Variants in NLRP5 observed in about 807,000 individuals in gnomAD.
The protein encoded by NLRP5 is NACHT, LRR and PYD domains-containing protein 5.
In NLRP5, 93 loss-of-function variants were observed where a neutral mutation model predicts 113.1. The ratio of observed to expected loss-of-function variants is 0.82; its 90% CI spans 0.70 to 0.98. NLRP5 has a LOEUF of 0.98. Among genes scored for constraint, NLRP5 ranks in the 50% least tolerant of loss-of-function variants. The pLI is 0.00. For synonymous variants in NLRP5, 751 were observed against 600.7 expected, an observed-to-expected ratio of 1.25 and a Z score of -3.66; for missense variants, 1,808 against 1,514.3, an observed-to-expected ratio of 1.19 and a Z score of -3.22.
At chr19:56,053,952 G>A (rs1473105561) in intron 13 of NLRP5, 144 bp downstream of exon 13, 2 of 684,578 alleles carry the variant, frequency 2.9e-6, no homozygotes, top group African/African-American at 1.8e-5. Context: ...CAGCACCACA[G>A]ATCTGGGTAT....
intron 9 of NLRP5, among the ~76,000 whole-genome samples, chr19:56,034,745 C>A (rs900436520): frequency 5.9e-5 from 9 of 152,166 alleles, no homozygotes; most frequent in Non-Finnish European, 7.3e-5. Flanking sequence ...TACACACTTT[C>A]TTCCTTTCTG....
Position 56,027,017 on chromosome 19 carries a change from G to A in NLRP5, c.784G>A (p.Glu262Lys). The stretch of plus-strand genomic sequence containing the variant: ...TGAAAACACTGCTGCTGACTGGCCG[G>A]AAATGCAAACGTTGGCTGGTGCTTT... The change falls in exon 7 of 15, where the codon GAA becomes AAA. Residue 262 changes from glutamate to lysine, a missense_variant. By Grantham distance (56) the Glu-to-Lys change is moderately conservative. Transcript: ENST00000390649. The A allele has an allele frequency of 6.4e-7, 1 of 1,552,112 alleles. No individual in the cohort carries two copies. Among genetic ancestry groups the A allele is most frequent in the Non-Finnish European group, 8.7e-7 (1 of 1,147,224 alleles).
At chr19:55,997,108 G>C (rs866543019), upstream of NLRP5, among the ~76,000 whole-genome samples, 5 of 152,068 alleles carry the variant, frequency 3.3e-5, no homozygotes, top group African/African-American at 9.7e-5. Context: ...ATTTTTTCTT[G>C]TATCTGTTGG....
At chr19:55,998,799 T>G (rs1981482540), upstream of NLRP5, among the ~76,000 whole-genome samples, 1 of 149,686 alleles carries the variant, frequency 6.7e-6, no homozygotes, top group South Asian at 2.1e-4. Flanking sequence ...CTAAATCCAC[T>G]TTTATTTTTA....
At chr19:56,048,261 T>C (rs1983800274) in intron 11 of NLRP5, among the ~76,000 whole-genome samples, 1 of 152,116 alleles carries the variant, frequency 6.6e-6, no homozygotes, top group Non-Finnish European at 1.5e-5. Context: ...GTTCTCTTTG[T>C]TGCCTGTGTA....
In NLRP5 at chr19:56,061,560, C is replaced by A. The variant is rs912790244; in HGVS notation, c.*32C>A. 1.2e-6 allele frequency: 2 copies of A among 1,612,404 alleles called. No homozygotes were observed. Among genetic ancestry groups the A allele is most frequent in the African/African-American group, 2.7e-5 (2 of 74,882 alleles). On this transcript the variant is annotated 3_prime_UTR_variant, in exon 15 of 15. Transcript: ENST00000390649. ...GGAAACCTGCCCCACTCACACCCAT[C>A]TGATGGAGGAACTTTAAACGCTGTT... is the stretch of plus-strand genomic sequence containing the variant.
intron 11 of NLRP5, among the ~76,000 whole-genome samples, chr19:56,046,002 A>C (rs376741640): frequency 1.3e-5 from 2 of 152,176 alleles, no homozygotes; most frequent in Admixed American, 6.5e-5. Context: ...ACCATGGTGC[A>C]TCCTGCTCAG....
Position 56,028,515 on chromosome 19 carries a change from T to A in NLRP5, c.2276+6T>A. On this transcript the variant is annotated splice_donor_region_variant and intron_variant, in intron 7 of 14. Coordinates refer to ENST00000390649, the MANE Select transcript of NLRP5 (RefSeq NM_153447.4). ...TGTCCTGTGGTCCCTCTATGGTGAG[T>A]ACCCCAGGCAGTTTTATCCTATGCC... The A allele has an allele frequency of 6.2e-7, 1 of 1,609,982 alleles. No individual in the cohort carries two copies. The highest frequency in any genetic ancestry group is 8.5e-7 in the Non-Finnish European group (1 of 1,177,880).
At chr19:56,035,552 G>A (rs753345538) in intron 9 of NLRP5, among the ~76,000 whole-genome samples, 6 of 152,182 alleles carry the variant, frequency 3.9e-5, no homozygotes, top group African/African-American at 7.2e-5. Flanking sequence ...CGGAAAAGAT[G>A]GATGGAGGCT....
At chr19:56,037,693 CAA>C (rs11301032) in intron 9 of NLRP5, among the ~76,000 whole-genome samples, 11,768 of 87,682 alleles carry the variant, frequency 0.13, 515 homozygotes, top group Middle Eastern at 0.2. Context: ...GACCCTGTCT[CAA>C]AAAAAAAAAA....
At chr19:56,019,507 A>G in intron 5 of NLRP5, 109 bp downstream of exon 5, 2 of 1,300,644 alleles carry the variant, frequency 1.5e-6, no homozygotes, top group Non-Finnish European at 2.2e-6. Flanking sequence ...GCCTTTCTTC[A>G]TTCTCATTTG....
At chr19:56,047,664 A>C (rs938176888) in intron 11 of NLRP5, among the ~76,000 whole-genome samples, 1 of 152,176 alleles carries the variant, frequency 6.6e-6, no homozygotes, top group African/African-American at 2.4e-5. Context: ...ATCTTGGAGA[A>C]GGTTCCATGC....
In NLRP5 at chr19:56,032,746, G is replaced by A. The variant is rs758860843; in HGVS notation, c.2412G>A (p.Lys804=). 4 of 1,612,420 alleles carry A rather than the reference G, an allele frequency of 2.5e-6. No homozygotes were observed. The Admixed American group carries it at 6.7e-5, about 27-fold the overall frequency. ...GGGCCATGAAGACCCTGTGTGCCAA[G>A]CTGAGGCATCCCACCTGCAAGATAC... Residue 804 remains lysine (K), a synonymous_variant, in exon 8 of 15, where the codon AAG becomes AAA. Coordinates refer to ENST00000390649, the MANE Select transcript of NLRP5 (RefSeq NM_153447.4).
intron 10 of NLRP5, among the ~76,000 whole-genome samples, chr19:56,039,151 C>T (rs916872548): frequency 4.6e-5 from 7 of 152,196 alleles, no homozygotes; most frequent in Admixed American, 1.3e-4. Context: ...ATAACCCTAT[C>T]GACAGATGAG....
At chr19:56,046,269 G>A (rs950719895) in intron 11 of NLRP5, among the ~76,000 whole-genome samples, 4 of 152,074 alleles carry the variant, frequency 2.6e-5, no homozygotes, top group Non-Finnish European at 4.4e-5. Context: ...ACTTGTACAT[G>A]TTAAACCATC....
chr19:56,002,915 G>A (rs978586872), intron 1 of NLRP5, among the ~76,000 whole-genome samples: 13 of 152,134 alleles, frequency 8.5e-5, no homozygotes, highest in Admixed American at 3.3e-4. Context: ...GAATAGTGCC[G>A]CTATAAACTA....
intron 9 of NLRP5, among the ~76,000 whole-genome samples, chr19:56,034,171 T>C (rs1291589761): frequency 2.0e-5 from 3 of 152,110 alleles, no homozygotes; most frequent in Non-Finnish European, 4.4e-5. Context: ...GGCAGATCAC[T>C]TGAGGTCAGG....
intron 13 of NLRP5, among the ~76,000 whole-genome samples, chr19:56,055,354 G>A (rs1047277083): frequency 1.1e-4 from 17 of 151,502 alleles, no homozygotes; most frequent in African/African-American, 3.9e-4. Context: ...TTGGTTCTCT[G>A]TCCCCTCAAC....
chr19:56,002,104 C>T (rs541841399), intron 1 of NLRP5, among the ~76,000 whole-genome samples: 92 of 152,278 alleles, frequency 6.0e-4, no homozygotes, highest in Non-Finnish European at 1.1e-3. Flanking sequence ...AGGTCCTGGA[C>T]GTGCACCTAT....
Sources: allele counts gnomAD v4.1 joint callset (sites outside exome capture counted in the v4.1 genomes callset), GRCh38; gene constraint gnomAD v4.1.1; transcripts MANE v1.5; gene names NCBI Gene and HGNC (gene_info 2026-07-23, HGNC 2026-07-21).